KCNMB2: variants seen among roughly 807,000 people sequenced by gnomAD.
The protein encoded by KCNMB2 is potassium calcium-activated channel subfamily M regulatory beta subunit 2.
A neutral mutation model predicts 24.5 loss-of-function variants in KCNMB2; 9 were observed. The observed-to-expected ratio is 0.37, with a 90% CI of 0.22 to 0.64. KCNMB2 has a LOEUF of 0.64. KCNMB2 is among the 30% of genes least tolerant of loss of function. The probability of loss-of-function intolerance (pLI) is 0.63; values close to 1 mark genes in which losing one functional copy is unlikely to be tolerated. For synonymous variants in KCNMB2, 109 were observed against 104.4 expected, an observed-to-expected ratio of 1.04 and a Z score of -0.27; for missense variants, 226 against 284.3, an observed-to-expected ratio of 0.79 and a Z score of 1.47.
At chr3:178,585,308 G>T (rs1243838937) in intron 1 of KCNMB2, among the ~76,000 whole-genome samples, 1 of 152,242 alleles carries the variant, frequency 6.6e-6, no homozygotes, top group East Asian at 1.9e-4. Flanking sequence ...ATTTATAAAG[G>T]TCTGTTTTAC....
rs374989256 is a variant in KCNMB2, at chr3:178,807,089, C to T, written c.-67-254C>T. Among the ~76,000 whole-genome samples the T allele has an allele frequency of 3.4e-4, 51 of 152,176 alleles. 1 individual carries two copies. The South Asian group carries it at 0.01, about 31-fold the overall frequency. The stretch of plus-strand genomic sequence containing the variant: ...GTGATTTTAACATCAATTAGAAAAC[C>T]ACGTTCTCCTAAGGCAGTAATTCTC... On this transcript the variant is annotated intron_variant, in intron 1 of 4. Transcript: ENST00000452583.
intron 1 of KCNMB2, among the ~76,000 whole-genome samples, chr3:178,719,740 C>G (rs1025672202): frequency 2.2e-4 from 33 of 152,258 alleles, no homozygotes; most frequent in Middle Eastern, 3.4e-3. Flanking sequence ...AAATAACATA[C>G]AGTAAAATTG....
intron 1 of KCNMB2, among the ~76,000 whole-genome samples, chr3:178,614,897 T>C (rs1484047670): frequency 1.3e-5 from 2 of 152,222 alleles, no homozygotes; most frequent in African/African-American, 4.8e-5. Flanking sequence ...TCTGGGCTTA[T>C]TTGTAGTTGT....
At chr3:178,689,741 CAT>C (rs1721601981) in intron 1 of KCNMB2, among the ~76,000 whole-genome samples, 2 of 152,252 alleles carry the variant, frequency 1.3e-5, no homozygotes, top group South Asian at 4.1e-4. Context: ...GAAAAGAAAA[CAT>C]AGACCTTGCA....
At chr3:178,694,714 T>C (rs1421217224) in intron 1 of KCNMB2, among the ~76,000 whole-genome samples, 1 of 152,208 alleles carries the variant, frequency 6.6e-6, no homozygotes, top group African/African-American at 2.4e-5. Flanking sequence ...CTCAAATCCA[T>C]GTAATGCTGA....
intron 2 of KCNMB2, among the ~76,000 whole-genome samples, chr3:178,812,481 T>A (rs568137163): frequency 6.7e-6 from 1 of 148,374 alleles, no homozygotes; most frequent in Non-Finnish European, 1.5e-5. Flanking sequence ...AGTGAGAACA[T>A]GCGGTGTTTG....
chr3:178,631,663 T>C (rs1343044416), intron 1 of KCNMB2, among the ~76,000 whole-genome samples: 1 of 152,168 alleles, frequency 6.6e-6, no homozygotes, highest in African/African-American at 2.4e-5. Context: ...GAAATTCAAA[T>C]CTCAGGTGTG....
intron 1 of KCNMB2, among the ~76,000 whole-genome samples, chr3:178,568,791 A>G (rs1305547183): frequency 9.5e-6 from 1 of 105,726 alleles, no homozygotes; most frequent in Non-Finnish European, 1.9e-5. Flanking sequence ...AGATAGATAG[A>G]TAGATAGATA....
At chr3:178,813,337 T>C (rs1714270957) in intron 2 of KCNMB2, among the ~76,000 whole-genome samples, 1 of 152,200 alleles carries the variant, frequency 6.6e-6, no homozygotes, top group South Asian at 2.1e-4. Context: ...TCAATCATGA[T>C]ATCATTTTGC....
intron 1 of KCNMB2, among the ~76,000 whole-genome samples, chr3:178,658,393 ATCT>A (rs1192848177): frequency 1.3e-5 from 2 of 152,202 alleles, no homozygotes; most frequent in Non-Finnish European, 2.9e-5. Context: ...AGTTAAATGA[ATCT>A]TCATTATTTA....
At chr3:178,571,570 G>T (rs1166963791) in intron 1 of KCNMB2, among the ~76,000 whole-genome samples, 1 of 150,096 alleles carries the variant, frequency 6.7e-6, no homozygotes, top group Non-Finnish European at 1.5e-5. Context: ...GAACATGCAG[G>T]TTTGCTACAT....
intron 2 of KCNMB2, among the ~76,000 whole-genome samples, chr3:178,817,227 A>ATATATATATATATATAT (rs1408060884): frequency 4.7e-5 from 7 of 148,324 alleles, no homozygotes; most frequent in South Asian, 2.1e-4. Flanking sequence ...ATATATATAT[A>ATATATATATATATATAT]AATGAAGTGT....
chr3:178,809,832 A>G (rs1002528595), intron 2 of KCNMB2, among the ~76,000 whole-genome samples: 4 of 152,238 alleles, frequency 2.6e-5, no homozygotes, highest in Non-Finnish European at 5.9e-5. Flanking sequence ...TTTCAGAACT[A>G]TGGGATTTAT....
intron 1 of KCNMB2, among the ~76,000 whole-genome samples, chr3:178,678,829 T>C (rs1459822857): frequency 6.6e-6 from 1 of 152,208 alleles, no homozygotes. Context: ...CCCCAGTCAC[T>C]AGCATGGTTA....
intron 1 of KCNMB2, among the ~76,000 whole-genome samples, chr3:178,751,076 A>ATT (rs149334812): frequency 2.6e-5 from 4 of 151,728 alleles, no homozygotes; most frequent in African/African-American, 7.3e-5. Context: ...AATAGTTTGC[A>ATT]TTTTTTTTGC....
At chr3:178,822,876 T>C (rs1037322797) in intron 2 of KCNMB2, among the ~76,000 whole-genome samples, 10 of 152,244 alleles carry the variant, frequency 6.6e-5, no homozygotes, top group African/African-American at 2.2e-4. Context: ...ACATAAGTGA[T>C]GCTGTGTGAC....
chr3:178,797,015 A>T (rs566659771), intron 1 of KCNMB2, among the ~76,000 whole-genome samples: 58 of 152,198 alleles, frequency 3.8e-4, no homozygotes, highest in Non-Finnish European at 7.2e-4. Context: ...AAAACAAGAG[A>T]AGACTCAAAT....
intron 1 of KCNMB2, among the ~76,000 whole-genome samples, chr3:178,719,876 T>C (rs1722738518): frequency 6.6e-6 from 1 of 152,194 alleles, no homozygotes; most frequent in Non-Finnish European, 1.5e-5. Context: ...TTCAAATCTC[T>C]GCCGTTTGCC....
At chr3:178,783,902 C>T (rs1007481139) in intron 1 of KCNMB2, among the ~76,000 whole-genome samples, 3 of 152,146 alleles carry the variant, frequency 2.0e-5, no homozygotes, top group African/African-American at 7.2e-5. Flanking sequence ...CAGTTTTTGT[C>T]CATTCAGTAT....
Sources: gnomAD v4.1 joint callset for allele counts (sites outside exome capture counted in the v4.1 genomes callset) on GRCh38, gnomAD v4.1.1 for gene constraint, MANE v1.5 for transcripts, NCBI Gene and HGNC (gene_info 2026-07-23, HGNC 2026-07-21) for gene names.